Variants in TTC21B observed in about 807,000 individuals in gnomAD.
TTC21B encodes the protein tetratricopeptide repeat domain 21B.
In TTC21B, 127 loss-of-function variants were observed where a neutral mutation model predicts 175.1. The observed-to-expected ratio is 0.73, with a 90% CI of 0.63 to 0.84. The LOEUF is 0.84. Among genes scored for constraint, TTC21B ranks in the 40% least tolerant of loss-of-function variants. The probability of loss-of-function intolerance (pLI) is 0.00; values close to 1 mark genes in which losing one functional copy is unlikely to be tolerated. For missense variants in TTC21B, 1,561 were observed against 1,558.3 expected (o/e 1.00, Z -0.03); for synonymous variants, 524 against 524.5 (o/e 1.00, Z 0.01).
chr2:165,902,357 TA>T (rs1685597923), intron 19 of TTC21B, among the ~76,000 whole-genome samples: 1 of 152,208 alleles, frequency 6.6e-6, no homozygotes, highest in Non-Finnish European at 1.5e-5. Flanking sequence ...TCTTCAAAAA[TA>T]AAATTTATGT....
chr2:165,891,158 T>G (rs1441308230), intron 22 of TTC21B, among the ~76,000 whole-genome samples, 170 bp from the exon 23 acceptor site: 3 of 152,084 alleles, frequency 2.0e-5, no homozygotes, highest in Non-Finnish European at 4.4e-5. Context: ...GCCAACTAGA[T>G]GATCTACTAA....
rs1220107509 is a variant in TTC21B, at chr2:165,888,461, T to A, written c.3277A>T (p.Lys1093Ter). ...LDGDLGNSTEKQESVQLAVRT... is the reference protein window; with the variant it reads ...LDGDLGNSTE ...ACTGCCAGTTGCACAGATTCTTGCT[T>A]CTCAGTTGAATTACTGTATATAATT... Residue 1093 changes from lysine to a stop codon, truncating the protein, a stop_gained, in exon 25 of 29, where the codon AAG becomes TAG. Transcript: ENST00000243344. LOFTEE classifies it high-confidence loss of function. 6.2e-7 allele frequency: 1 copy of A among 1,612,914 alleles called. No individual in the cohort carries two copies. The highest frequency in any genetic ancestry group is 8.5e-7 in the Non-Finnish European group (1 of 1,179,226).
At chr2:165,880,625 T>A in intron 27 of TTC21B, 54 bp downstream of exon 27, 1 of 1,595,870 alleles carries the variant, frequency 6.3e-7, no homozygotes, top group Non-Finnish European at 8.6e-7. Flanking sequence ...AAATGAAAAT[T>A]AATAAATACA....
intron 22 of TTC21B, among the ~76,000 whole-genome samples, chr2:165,891,231 T>A (rs1162961527): frequency 6.6e-6 from 1 of 152,044 alleles, no homozygotes; most frequent in African/African-American, 2.4e-5. Context: ...AAAATGCATA[T>A]TTCTTGTAGC....
chr2:165,932,008 T>C (rs1574123811), intron 7 of TTC21B, 152 bp from the exon 8 acceptor site: 1 of 630,242 alleles, frequency 1.6e-6, no homozygotes, highest in Non-Finnish European at 2.8e-6. Context: ...TGATTATATG[T>C]TATAAAACAT....
chr2:165,942,113 G>A (rs1687390112), intron 5 of TTC21B, among the ~76,000 whole-genome samples: 1 of 152,132 alleles, frequency 6.6e-6, no homozygotes, highest in African/African-American at 2.4e-5. Context: ...AGTGCTATTA[G>A]GTAAAACTTG....
intron 11 of TTC21B, among the ~76,000 whole-genome samples, chr2:165,925,122 G>A (rs1686579813): frequency 6.6e-6 from 1 of 152,130 alleles, no homozygotes; most frequent in South Asian, 2.1e-4. Context: ...CTAGAGTATT[G>A]TAAACCAGTT....
chr2:165,930,732 G>GT lies in TTC21B; in HGVS notation c.895-369_895-368insA. Among the ~76,000 whole-genome samples the GT allele has an allele frequency of 6.7e-4, 73 of 109,764 alleles. 1 individual carries two copies. Among genetic ancestry groups the GT allele is most frequent in the South Asian group, 2.6e-3 (8 of 3,032 alleles). 72.0% of individuals were successfully genotyped at this position (109,764 alleles called of 152,430 possible). On this transcript the variant is annotated intron_variant, in intron 8 of 28. Coordinates refer to ENST00000243344, the MANE Select transcript of TTC21B (RefSeq NM_024753.5). The stretch of plus-strand genomic sequence containing the variant: ...TATTTTATGGTTACGTGGGTATGGG[G>GT]GTGTGTGTGTGTGTGTGTGTGTGTG...
At chr2:165,920,652 AAG>A (rs1413736396) in intron 12 of TTC21B, among the ~76,000 whole-genome samples, 1 of 147,704 alleles carries the variant, frequency 6.8e-6, no homozygotes, top group African/African-American at 2.5e-5. Context: ...GTTTGCAACT[AAG>A]AGAATGAAGA....
Position 165,933,059 on chromosome 2 carries a change from T to C in TTC21B, c.711-2A>G. On this transcript the variant is annotated splice_acceptor_variant, in intron 6 of 28. Transcript: ENST00000243344. LOFTEE classifies it high-confidence loss of function. Reference sequence around the variant, plus strand: ...TTTTGGCTATCTTGGAGCAGCAACCTGCAGGAAAACAATTTAGTTAATGTC... The same window carrying C: ...TTTTGGCTATCTTGGAGCAGCAACCCGCAGGAAAACAATTTAGTTAATGTC... 1 of 1,611,668 alleles carries C rather than the reference T, an allele frequency of 6.2e-7. No homozygotes were observed. Among genetic ancestry groups the C allele is most frequent in the Non-Finnish European group, 8.5e-7 (1 of 1,178,792 alleles).
intron 11 of TTC21B, among the ~76,000 whole-genome samples, chr2:165,926,012 A>G (rs1246958464): frequency 1.3e-5 from 2 of 152,206 alleles, no homozygotes; most frequent in Non-Finnish European, 2.9e-5. Context: ...TATGCAGACA[A>G]TCTTTAAGAT....
chr2:165,911,298 CT>C (rs762086158), intron 18 of TTC21B, 28 bp downstream of exon 18: 36 of 1,613,052 alleles, frequency 2.2e-5, no homozygotes, highest in Non-Finnish European at 2.8e-5. Context: ...AGTTATCAGA[CT>C]TTTTTCAAAC....
At chr2:165,899,452 T>C (rs184306847) in intron 21 of TTC21B, among the ~76,000 whole-genome samples, 3 of 152,304 alleles carry the variant, frequency 2.0e-5, no homozygotes, top group Non-Finnish European at 4.4e-5. Context: ...CATTCCTAAG[T>C]ACTTAAAAGT....
intron 3 of TTC21B, chr2:165,947,328 C>T (rs1173460243): frequency 1.3e-5 from 2 of 150,980 alleles, no homozygotes; most frequent in African/African-American, 4.9e-5. Context: ...TCTGGAATGG[C>T]TACCAAGAGA....
At chr2:165,928,976 C>T (rs902744264) in intron 11 of TTC21B, 159 bp downstream of exon 11, 4 of 680,002 alleles carry the variant, frequency 5.9e-6, no homozygotes, top group Non-Finnish European at 1.1e-5. Context: ...GCAGTCATTA[C>T]TAAAAACAGT....
intron 11 of TTC21B, among the ~76,000 whole-genome samples, chr2:165,928,444 G>T (rs1169009837): frequency 6.6e-6 from 1 of 152,044 alleles, no homozygotes; most frequent in Non-Finnish European, 1.5e-5. Context: ...GTTCTTGCAG[G>T]TCAAATCCAC....
chr2:165,907,710 T>C lies in TTC21B; in HGVS notation c.2536A>G (p.Lys846Glu). Residue 846 changes from lysine (K) to glutamate (E), a missense_variant, in exon 19 of 29, where the codon AAA (lysine) becomes GAA (glutamate). Physicochemically the swap from Lys to Glu is moderately conservative, Grantham distance 56. Coordinates refer to ENST00000243344, the MANE Select transcript of TTC21B (RefSeq NM_024753.5). ...LLAKVYSKME[K>E]LGDAITALQQ... Reference sequence around the variant, plus strand: ...AATGCAGTGATCGCATCACCAAGTTTTTCCATTTTACTATAAACTTTTGCT... The same window carrying C: ...AATGCAGTGATCGCATCACCAAGTTCTTCCATTTTACTATAAACTTTTGCT... 1 of 1,613,104 alleles carries C rather than the reference T, an allele frequency of 6.2e-7. No individual in the cohort carries two copies. Among genetic ancestry groups the C allele is most frequent in the Non-Finnish European group, 8.5e-7 (1 of 1,179,602 alleles).
At chr2:165,908,428 C>T (rs1217116894) in intron 18 of TTC21B, among the ~76,000 whole-genome samples, 1 of 152,062 alleles carries the variant, frequency 6.6e-6, no homozygotes, top group South Asian at 2.1e-4. Flanking sequence ...AACTCTGGTA[C>T]GTGGTAAGTT....
chr2:165,935,360 G>A (rs1172292941), intron 6 of TTC21B, among the ~76,000 whole-genome samples: 1 of 152,110 alleles, frequency 6.6e-6, no homozygotes, highest in Non-Finnish European at 1.5e-5. Context: ...TGTTCAAAGA[G>A]GTATGTGTGT....
Sources: gnomAD v4.1 joint callset for allele counts (sites outside exome capture counted in the v4.1 genomes callset) on GRCh38, gnomAD v4.1.1 for gene constraint, MANE v1.5 for transcripts, NCBI Gene and HGNC (gene_info 2026-07-23, HGNC 2026-07-21) for gene names.